The following CEP85L variants were observed in gnomAD, a reference collection of about 807,000 sequenced individuals.
CEP85L encodes the protein centrosomal protein 85L.
CEP85L carries 60 observed loss-of-function variants against 100.3 expected under a neutral mutation model. The ratio of observed to expected loss-of-function variants is 0.60; its 90% CI spans 0.49 to 0.74. The LOEUF is 0.74. Ranked by LOEUF, CEP85L falls within the 30% of genes least tolerant of loss-of-function variation. The probability of loss-of-function intolerance (pLI) is 0.00; values close to 1 mark genes in which losing one functional copy is unlikely to be tolerated. For synonymous variants in CEP85L, 319 were observed against 322.7 expected (o/e 0.99, Z 0.12); for missense variants, 973 against 936.2 (o/e 1.04, Z -0.51).
intron 2 of CEP85L, among the ~76,000 whole-genome samples, chr6:118,595,840 C>T (rs1781434497): frequency 6.6e-6 from 1 of 152,264 alleles, no homozygotes; most frequent in South Asian, 2.1e-4. Flanking sequence ...CAAATTAATG[C>T]AGCACTTCAT....
chr6:118,567,107 AG>A (rs1180836767), intron 2 of CEP85L, among the ~76,000 whole-genome samples: 1 of 151,850 alleles, frequency 6.6e-6, no homozygotes, highest in East Asian at 1.9e-4. Flanking sequence ...ATATGAGTAA[AG>A]GTGCTCCTGC....
chr6:118,558,760 T>C, intron 3 of CEP85L: 1 of 666,054 alleles, frequency 1.5e-6, no homozygotes, highest in Non-Finnish European at 2.7e-6. Flanking sequence ...TGTAAAATTG[T>C]ATTTTTTGTT....
chr6:118,466,284 G>A (rs1772513392), intron 12 of CEP85L, among the ~76,000 whole-genome samples: 1 of 152,162 alleles, frequency 6.6e-6, no homozygotes, highest in South Asian at 2.1e-4. Flanking sequence ...TACCTTCATA[G>A]TAGTTTATTG....
At chr6:118,691,965 C>T (rs1274804230) in intron 1 of CEP85L, among the ~76,000 whole-genome samples, 2 of 152,140 alleles carry the variant, frequency 1.3e-5, no homozygotes, top group Admixed American at 6.5e-5. Flanking sequence ...TGCTTGGGTT[C>T]GGCTATGTCC....
At chr6:118,507,094 C>T (rs990546431) in intron 5 of CEP85L, among the ~76,000 whole-genome samples, 5 of 152,162 alleles carry the variant, frequency 3.3e-5, no homozygotes, top group Non-Finnish European at 7.4e-5. Flanking sequence ...CTCAGACCTG[C>T]ACCCACAAAT....
At chr6:118,708,684 A>G (rs1244269596) in intron 1 of CEP85L, among the ~76,000 whole-genome samples, 1 of 152,228 alleles carries the variant, frequency 6.6e-6, no homozygotes, top group Middle Eastern at 3.2e-3. Context: ...AACAGCATAT[A>G]AAAAGGTTTA....
intron 1 of CEP85L, among the ~76,000 whole-genome samples, chr6:118,687,036 GC>G (rs939205289): frequency 2.6e-5 from 4 of 151,958 alleles, no homozygotes; most frequent in African/African-American, 7.3e-5. Context: ...TGATCTTGTT[GC>G]TCCTCAAATA....
chr6:118,484,804 G>A (rs1232093782), intron 6 of CEP85L, among the ~76,000 whole-genome samples: 4 of 152,182 alleles, frequency 2.6e-5, no homozygotes, highest in South Asian at 2.1e-4. Flanking sequence ...TGCTTATAGT[G>A]TACTAAACAA....
intron 2 of CEP85L, among the ~76,000 whole-genome samples, chr6:118,618,445 T>C (rs957627763): frequency 6.6e-6 from 1 of 152,188 alleles, no homozygotes; most frequent in African/African-American, 2.4e-5. Context: ...TCAGGACAAT[T>C]TGAAGACAGA....
In CEP85L at chr6:118,651,296, G is replaced by A. The variant is rs1409005049; in HGVS notation, c.-27C>T. ...GCGGGCGAGAGGGCCGGGTGGGCCA[G>A]GGACGCCCGACTCCTCACGTCCGTC... On this transcript the variant is annotated 5_prime_UTR_variant, in exon 1 of 13. Coordinates refer to ENST00000368491, the MANE Select transcript of CEP85L (RefSeq NM_001042475.3). 1 of 1,466,268 alleles carries A rather than the reference G, an allele frequency of 6.8e-7. No homozygotes were observed. The highest frequency in any genetic ancestry group is 2.4e-5 in the Admixed American group (1 of 41,974). The allele number at this position is 1,466,268 out of a possible 1,614,324, so 90.8% of individuals were successfully genotyped here. A position where few individuals can be genotyped will look rare whatever the true frequency, so the allele number is the denominator to read the frequency against.
chr6:118,533,068 A>C (rs1288826531), intron 3 of CEP85L, among the ~76,000 whole-genome samples: 1 of 152,120 alleles, frequency 6.6e-6, no homozygotes, highest in African/African-American at 2.4e-5. Context: ...CTCTCAACCT[A>C]AGCTTCCATC....
At chr6:118,492,481 C>T (rs1233964905) in intron 5 of CEP85L, among the ~76,000 whole-genome samples, 4 of 152,000 alleles carry the variant, frequency 2.6e-5, no homozygotes, top group South Asian at 2.1e-4. Context: ...TGTATTATTG[C>T]TTCTATGAGC....
intron 3 of CEP85L, among the ~76,000 whole-genome samples, chr6:118,563,342 T>C (rs1399479855): frequency 3.3e-5 from 5 of 152,142 alleles, no homozygotes; most frequent in African/African-American, 1.2e-4. Flanking sequence ...CCTTCAATGT[T>C]ACAAATTAAC....
chr6:118,468,913 T>C (rs1238548627), intron 12 of CEP85L, among the ~76,000 whole-genome samples, 159 bp downstream of exon 12: 2 of 152,192 alleles, frequency 1.3e-5, no homozygotes, highest in Non-Finnish European at 2.9e-5. Flanking sequence ...ACTCACTTCT[T>C]GCAATGAAGT....
chr6:118,518,659 T>C (rs1419248057), intron 4 of CEP85L, among the ~76,000 whole-genome samples: 1 of 152,216 alleles, frequency 6.6e-6, no homozygotes, highest in Non-Finnish European at 1.5e-5. Context: ...CTATCTATTT[T>C]GTTGATCTTT....
intron 1 of CEP85L, among the ~76,000 whole-genome samples, chr6:118,688,016 C>G (rs1010204597): frequency 2.8e-4 from 42 of 152,284 alleles, no homozygotes; most frequent in African/African-American, 9.6e-4. Context: ...GATTCCATTC[C>G]TTGGAATCCG....
At chr6:118,483,031 A>C (rs1773903876) in intron 7 of CEP85L, among the ~76,000 whole-genome samples, 1 of 152,152 alleles carries the variant, frequency 6.6e-6, no homozygotes. Context: ...GTGGATGCAG[A>C]AGTACACCCT....
chr6:118,671,242 T>G (rs1316710004), intron 1 of CEP85L, among the ~76,000 whole-genome samples: 4 of 152,240 alleles, frequency 2.6e-5, no homozygotes, highest in East Asian at 3.8e-4. Context: ...AGCAAGTGGA[T>G]GTAAGTGACT....
At chr6:118,603,120 C>T (rs1399128627) in intron 2 of CEP85L, among the ~76,000 whole-genome samples, 1 of 152,000 alleles carries the variant, frequency 6.6e-6, no homozygotes, top group Non-Finnish European at 1.5e-5. Context: ...ACGCCAGGCC[C>T]CAGATAAGAC....
Sources: gnomAD v4.1 joint callset for allele counts (sites outside exome capture counted in the v4.1 genomes callset) on GRCh38, gnomAD v4.1.1 for gene constraint, MANE v1.5 for transcripts, NCBI Gene and HGNC (gene_info 2026-07-23, HGNC 2026-07-21) for gene names.